NDUFA5: variants seen among roughly 807,000 people sequenced by gnomAD.
NDUFA5 encodes the protein NADH:ubiquinone oxidoreductase subunit A5, also known as NADH dehydrogenase [ubiquinone] 1 alpha subcomplex subunit 5.
Under a neutral mutation model 19.8 loss-of-function variants are expected in NDUFA5, and 11 were observed. The observed-to-expected ratio is 0.56, with a 90% CI of 0.35 to 0.92. The LOEUF is 0.92. Among genes scored for constraint, NDUFA5 ranks in the 40% least tolerant of loss-of-function variants. The pLI, the probability that NDUFA5 is intolerant of heterozygous loss-of-function variation, is 0.01. For missense variants in NDUFA5, 109 were observed against 134.2 expected (o/e 0.81, Z 0.93); for synonymous variants, 47 against 46.8 (o/e 1.00, Z -0.01).
chr7:123,588,276 C>T, the NDUFA5 span, among the ~76,000 whole-genome samples: 13 of 151,712 alleles, frequency 8.6e-5, no homozygotes, highest in Admixed American at 2.6e-4. Flanking sequence ...AGGTTTCTAG[C>T]ATTTGTCTAT....
At position 123,542,001 on chromosome 7, in the gene NDUFA5, C is replaced by A; in HGVS notation, c.*118G>T. ...AATCACCAATTTTAACAGTCTCCTA[C>A]ATATTTTCTATATCACTTTTCTTGA... On this transcript the variant is annotated 3_prime_UTR_variant, in exon 5 of 5. Transcript: ENST00000355749. 1 of 617,620 alleles carries A rather than the reference C, an allele frequency of 1.6e-6. No homozygotes were observed. The highest frequency in any genetic ancestry group is 2.6e-6 in the Non-Finnish European group (1 of 388,432). The allele number at this position is 617,620 out of a possible 1,614,324, so 38.3% of individuals were successfully genotyped here. A position where few individuals can be genotyped will look rare whatever the true frequency, so the allele number is the denominator to read the frequency against.
chr7:123,581,584 GA>G, the NDUFA5 span, among the ~76,000 whole-genome samples: 5 of 151,782 alleles, frequency 3.3e-5, no homozygotes, highest in Non-Finnish European at 4.4e-5. Flanking sequence ...TTAGGTTTCT[GA>G]AAAGTCTTTC....
the NDUFA5 span, among the ~76,000 whole-genome samples, chr7:123,578,453 A>G: frequency 6.6e-6 from 1 of 151,594 alleles, no homozygotes; most frequent in Non-Finnish European, 1.5e-5. Flanking sequence ...TCCTCCTTCT[A>G]CTTATTTTTC....
At chr7:123,542,566 C>T (rs190542276) in intron 4 of NDUFA5, among the ~76,000 whole-genome samples, 8 of 152,188 alleles carry the variant, frequency 5.3e-5, no homozygotes, top group Middle Eastern at 3.4e-3. Flanking sequence ...TTTATTTTAC[C>T]ATGGCCCACA....
At chr7:123,562,769 G>A (rs1220056607), upstream of NDUFA5, among the ~76,000 whole-genome samples, 2 of 149,280 alleles carry the variant, frequency 1.3e-5, no homozygotes, top group African/African-American at 4.9e-5. Flanking sequence ...CAATAAGGCT[G>A]TTTTTCTTTT....
intron 2 of NDUFA5, among the ~76,000 whole-genome samples, chr7:123,552,162 C>T (rs1798365877): frequency 6.7e-6 from 1 of 149,410 alleles, no homozygotes; most frequent in Non-Finnish European, 1.5e-5. Flanking sequence ...TCCTAAAGAG[C>T]AACCTTTTTT....
the NDUFA5 span, among the ~76,000 whole-genome samples, chr7:123,563,633 T>C: frequency 3.3e-5 from 5 of 152,228 alleles, no homozygotes; most frequent in Non-Finnish European, 7.3e-5. Context: ...ATGGTGCTAA[T>C]AGACTTGCTT....
chr7:123,544,498 CAAAAAA>C (rs754788912), intron 4 of NDUFA5, among the ~76,000 whole-genome samples: 117 of 72,950 alleles, frequency 1.6e-3, no homozygotes, highest in African/African-American at 5.8e-3. Context: ...AACTCCATCT[CAAAAAA>C]AAAAAAAAAA....
At chr7:123,596,878 A>G in the NDUFA5 span, among the ~76,000 whole-genome samples, 1 of 152,192 alleles carries the variant, frequency 6.6e-6, no homozygotes, top group African/African-American at 2.4e-5. Flanking sequence ...ATAATTCAAA[A>G]TTTACTTTGG....
chr7:123,593,077 A>C, the NDUFA5 span, among the ~76,000 whole-genome samples: 6 of 151,884 alleles, frequency 4.0e-5, no homozygotes, highest in South Asian at 1.3e-3. Flanking sequence ...GTTTTATCAG[A>C]GACCAGGATT....
the NDUFA5 span, among the ~76,000 whole-genome samples, chr7:123,576,845 G>T: frequency 2.0e-5 from 3 of 152,064 alleles, no homozygotes; most frequent in East Asian, 3.9e-4. Context: ...TGCATTTCTT[G>T]CAGGGTCTGC....
At chr7:123,588,023 T>C in the NDUFA5 span, among the ~76,000 whole-genome samples, 1 of 151,814 alleles carries the variant, frequency 6.6e-6, no homozygotes, top group Non-Finnish European at 1.5e-5. Flanking sequence ...TGTCTGGCTT[T>C]GGTATCAGGA....
chr7:123,600,979 AT>A, the NDUFA5 span, among the ~76,000 whole-genome samples: 1 of 152,178 alleles, frequency 6.6e-6, no homozygotes, highest in Admixed American at 6.6e-5. Context: ...AGAAATGAAA[AT>A]GAATATAAAA....
At chr7:123,579,314 A>C in the NDUFA5 span, among the ~76,000 whole-genome samples, 1 of 152,206 alleles carries the variant, frequency 6.6e-6, no homozygotes, top group African/African-American at 2.4e-5. Context: ...AATTTTAGAT[A>C]AAAATACTTT....
rs990423422 is a variant in NDUFA5, at chr7:123,557,567, T to G, written c.22-119A>C. ...AAACTGGTCTAAAGCCAGCTACTGGTCTCTCAGTCTCGCTTGTTTGGAGCT... is the reference window on the plus strand; with the variant it reads ...AAACTGGTCTAAAGCCAGCTACTGGGCTCTCAGTCTCGCTTGTTTGGAGCT... On this transcript the variant is annotated intron_variant, in intron 1 of 4. Coordinates refer to ENST00000355749, the MANE Select transcript of NDUFA5 (RefSeq NM_005000.5). 6 of 1,611,974 alleles carry G rather than the reference T, an allele frequency of 3.7e-6. No homozygotes were observed. The Admixed American group carries it at 1.0e-4, about 27-fold the overall frequency.
intron 2 of NDUFA5, chr7:123,556,607 CA>C (rs139768796): frequency 0.027 from 5,051 of 190,126 alleles, no homozygotes; most frequent in South Asian, 0.064. Context: ...TCAAATGTGT[CA>C]AAAAAAAAAA....
chr7:123,601,356 C>T, the NDUFA5 span, among the ~76,000 whole-genome samples: 1 of 152,030 alleles, frequency 6.6e-6, no homozygotes, highest in Non-Finnish European at 1.5e-5. Flanking sequence ...CTATCTCCGT[C>T]TGTATATCAG....
At chr7:123,575,957 G>C in the NDUFA5 span, among the ~76,000 whole-genome samples, 33,479 of 150,270 alleles carry the variant, frequency 0.22, 4,182 homozygotes, top group East Asian at 0.27. Context: ...AAATTTTCTT[G>C]ATTTATGACT....
intron 2 of NDUFA5, among the ~76,000 whole-genome samples, chr7:123,553,197 T>C (rs1052738535): frequency 6.6e-6 from 1 of 152,178 alleles, no homozygotes. Context: ...ATGCTGCTAA[T>C]AGAGACATAC....
Sources: allele counts gnomAD v4.1 joint callset (sites outside exome capture counted in the v4.1 genomes callset), GRCh38; gene constraint gnomAD v4.1.1; transcripts MANE v1.5; gene names NCBI Gene and HGNC (gene_info 2026-07-23, HGNC 2026-07-21).